Variants in GAS7 observed in about 807,000 individuals in gnomAD.
The protein encoded by GAS7 is growth arrest specific 7, also known as growth arrest-specific protein 7.
In GAS7, 28 loss-of-function variants were observed where a neutral mutation model predicts 71.1. That is an observed-to-expected ratio of 0.39 (90% CI 0.29 to 0.54). GAS7 has a LOEUF of 0.54. Ranked by LOEUF, GAS7 falls within the 20% of genes least tolerant of loss-of-function variation. GAS7 has a pLI of 0.62. For missense variants in GAS7, 436 were observed against 627.8 expected, an observed-to-expected ratio of 0.69 and a Z score of 3.27; for synonymous variants, 258 against 245.8, an observed-to-expected ratio of 1.05 and a Z score of -0.46.
At chr17:9,975,862 G>A (rs533215779) in intron 3 of GAS7, among the ~76,000 whole-genome samples, 12 of 152,336 alleles carry the variant, frequency 7.9e-5, no homozygotes, top group South Asian at 2.1e-4. Flanking sequence ...CAGGGCTACC[G>A]TGAAATCCAC....
chr17:10,007,909 C>T (rs534850423), intron 2 of GAS7, among the ~76,000 whole-genome samples: 11 of 152,180 alleles, frequency 7.2e-5, no homozygotes, highest in South Asian at 4.2e-4. Context: ...AGCTCCCCCC[C>T]GCAACCACCA....
At chr17:9,993,771 C>A (rs923743247) in intron 2 of GAS7, among the ~76,000 whole-genome samples, 1 of 150,770 alleles carries the variant, frequency 6.6e-6, no homozygotes, top group Non-Finnish European at 1.5e-5. Context: ...GATTGTATAT[C>A]TAGAAAACCC....
At chr17:10,160,770 C>T (rs72810914) in intron 1 of GAS7, among the ~76,000 whole-genome samples, 14,761 of 152,192 alleles carry the variant, frequency 0.097, 881 homozygotes, top group Non-Finnish European at 0.13. Flanking sequence ...AGTGGCTTCA[C>T]ACAGGCAAAA....
At chr17:10,135,613 T>C (rs375060354) in intron 1 of GAS7, among the ~76,000 whole-genome samples, 1 of 152,222 alleles carries the variant, frequency 6.6e-6, no homozygotes, top group Non-Finnish European at 1.5e-5. Flanking sequence ...TGGTTTCCCA[T>C]CTCCACGTGG....
chr17:10,001,890 C>A (rs538764053), intron 2 of GAS7, among the ~76,000 whole-genome samples: 1 of 152,278 alleles, frequency 6.6e-6, no homozygotes, highest in African/African-American at 2.4e-5. Context: ...AGAGCCTGCA[C>A]CCCACATTCA....
At chr17:10,007,629 A>C (rs946624738) in intron 2 of GAS7, among the ~76,000 whole-genome samples, 36 of 133,990 alleles carry the variant, frequency 2.7e-4, no homozygotes, top group South Asian at 1.4e-3. Context: ...CTGTCTCAAA[A>C]AAAAAAAAAA....
intron 5 of GAS7, among the ~76,000 whole-genome samples, chr17:9,948,907 A>G (rs1018475149): frequency 6.6e-6 from 1 of 152,176 alleles, no homozygotes; most frequent in Non-Finnish European, 1.5e-5. Flanking sequence ...GAGCCTTATA[A>G]GTCTTTAACC....
At chr17:10,059,303 T>C (rs1046198289) in intron 1 of GAS7, among the ~76,000 whole-genome samples, 2 of 152,150 alleles carry the variant, frequency 1.3e-5, no homozygotes, top group African/African-American at 4.8e-5. Context: ...AAATTCTCGC[T>C]ACACTGGGGA....
At chr17:10,158,241 C>T (rs1418772008) in intron 1 of GAS7, among the ~76,000 whole-genome samples, 1 of 151,536 alleles carries the variant, frequency 6.6e-6, no homozygotes, top group African/African-American at 2.4e-5. Context: ...TCTCGATCTC[C>T]TGACCTTGTG....
At chr17:9,997,961 T>A (rs994270707) in intron 2 of GAS7, among the ~76,000 whole-genome samples, 1 of 152,210 alleles carries the variant, frequency 6.6e-6, no homozygotes, top group Non-Finnish European at 1.5e-5. Flanking sequence ...TGTGGTCAGT[T>A]GACCAGAAGC....
At chr17:9,934,880 C>T (rs780699225) in intron 8 of GAS7, among the ~76,000 whole-genome samples, 3 of 152,156 alleles carry the variant, frequency 2.0e-5, no homozygotes, top group African/African-American at 2.4e-5. Context: ...GGATTACAGG[C>T]GTGTGCCACC....
At chr17:10,045,839 C>T (rs1445594377) in intron 1 of GAS7, among the ~76,000 whole-genome samples, 1 of 152,202 alleles carries the variant, frequency 6.6e-6, no homozygotes, top group Non-Finnish European at 1.5e-5. Context: ...ACACCTTGTT[C>T]CATCCATCAC....
chr17:10,132,157 T>C (rs115092701), intron 1 of GAS7, among the ~76,000 whole-genome samples: 1 of 152,384 alleles, frequency 6.6e-6, no homozygotes, highest in African/African-American at 2.4e-5. Context: ...TATGAATACA[T>C]GTACTCGTGA....
chr17:9,920,489 TA>T (rs2067766507), intron 11 of GAS7, among the ~76,000 whole-genome samples: 1 of 152,252 alleles, frequency 6.6e-6, no homozygotes, highest in Non-Finnish European at 1.5e-5. Context: ...CACTGCGAAG[TA>T]ATTGCAAACA....
chr17:9,993,333 A>G (rs1436776765), intron 2 of GAS7, among the ~76,000 whole-genome samples: 3 of 151,974 alleles, frequency 2.0e-5, no homozygotes, highest in African/African-American at 4.8e-5. Flanking sequence ...TGTGGTTTTG[A>G]TTTGCATTTC....
chr17:10,093,103 G>T (rs938636291), intron 1 of GAS7, among the ~76,000 whole-genome samples: 1 of 152,152 alleles, frequency 6.6e-6, no homozygotes, highest in Admixed American at 6.5e-5. Context: ...CAATGTCGTT[G>T]CTGTGTTTTA....
chr17:9,995,626 G>C lies in GAS7; in HGVS notation c.305-13742C>G, dbSNP rs567730478. Among the ~76,000 whole-genome samples, 122 of 152,136 alleles carry C rather than the reference G, an allele frequency of 8.0e-4. 1 individual carries two copies. In the South Asian group the frequency reaches 0.025, roughly 31 times the overall value. On this transcript the variant is annotated intron_variant, in intron 2 of 13. Coordinates refer to ENST00000432992, the MANE Select transcript of GAS7 (RefSeq NM_201433.2). ...GTAAGATACTATGTTTTCACCCATG[G>C]GGAAAATAACCTCCTTTGTGACTGA...
intron 1 of GAS7, among the ~76,000 whole-genome samples, chr17:10,042,317 ATAAT>A (rs1253274619): frequency 2.3e-4 from 34 of 149,366 alleles, no homozygotes; most frequent in African/African-American, 7.7e-4. Flanking sequence ...AAAAAAAAAG[ATAAT>A]TAATAAGAAA....
At chr17:9,980,617 C>G (rs1029190675) in intron 3 of GAS7, among the ~76,000 whole-genome samples, 1 of 152,192 alleles carries the variant, frequency 6.6e-6, no homozygotes, top group African/African-American at 2.4e-5. Context: ...CAAGTGTGCT[C>G]CACACACCAT....
Sources: allele counts gnomAD v4.1 joint callset (sites outside exome capture counted in the v4.1 genomes callset), GRCh38; gene constraint gnomAD v4.1.1; transcripts MANE v1.5; gene names NCBI Gene and HGNC (gene_info 2026-07-23, HGNC 2026-07-21).